MYO5C: variants seen among roughly 807,000 people sequenced by gnomAD.
The protein encoded by MYO5C is myosin VC.
A neutral mutation model predicts 235.7 loss-of-function variants in MYO5C; 194 were observed. That is an observed-to-expected ratio of 0.82 (90% CI 0.73 to 0.93). MYO5C has a LOEUF of 0.93. Ranked by LOEUF, MYO5C falls within the 40% of genes least tolerant of loss-of-function variation. The pLI is 0.00. For synonymous variants in MYO5C, 707 were observed against 754.8 expected, an observed-to-expected ratio of 0.94 and a Z score of 1.04; for missense variants, 2,038 against 2,127.2, an observed-to-expected ratio of 0.96 and a Z score of 0.82.
chr15:52,282,692 C>T, intron 2 of MYO5C, 90 bp downstream of exon 2: 4 of 924,560 alleles, frequency 4.3e-6, no homozygotes, highest in Non-Finnish European at 7.1e-6. Context: ...CCCTGGGTGC[C>T]TCCCACGGGG....
intron 37 of MYO5C, 61 bp from the exon 38 acceptor site, chr15:52,205,208 C>A (rs985083973): frequency 1.1e-5 from 17 of 1,562,864 alleles, no homozygotes; most frequent in East Asian, 2.3e-5. Context: ...ACGTTCCCGA[C>A]GCTCTTCGGT....
chr15:52,255,229 T>C (rs1291144691), intron 11 of MYO5C, among the ~76,000 whole-genome samples: 1 of 151,962 alleles, frequency 6.6e-6, no homozygotes, highest in Non-Finnish European at 1.5e-5. Flanking sequence ...CAGAGGGAGG[T>C]GGTAGAGCTG....
chr15:52,208,482 TGAGCTCTGGCTCAG>T, intron 36 of MYO5C, 58 bp downstream of exon 36: 1 of 1,405,402 alleles, frequency 7.1e-7, no homozygotes. Flanking sequence ...GAGGCTCTAT[TGAGCTCTGGCTCAG>T]GAGGAGGTTA....
chr15:52,208,580 A>C lies in MYO5C; in HGVS notation c.4360T>G (p.Cys1454Gly), dbSNP rs1206234563. 2 of 1,614,190 alleles carry C rather than the reference A, an allele frequency of 1.2e-6. No homozygotes were observed. Among genetic ancestry groups the C allele is most frequent in the African/African-American group, 1.3e-5 (1 of 75,072 alleles). ...TCTTCTCCGCTGTACTGCTTCAGGC[A>C]ATTGAGAAAATGACAAGTGTTGGAA... ...WLSNTCHFLN[C>G]LKQYSGEEEF... The change falls in exon 36 of 41, where the codon TGC becomes GGC. Residue 1454 changes from cysteine to glycine, a missense_variant. By Grantham distance (159) the Cys-to-Gly change is radical. Coordinates refer to ENST00000261839, the MANE Select transcript of MYO5C (RefSeq NM_018728.4).
At chr15:52,266,196 C>A (rs2036806582) in intron 8 of MYO5C, among the ~76,000 whole-genome samples, 1 of 75,128 alleles carries the variant, frequency 1.3e-5, no homozygotes, top group Non-Finnish European at 2.9e-5. Context: ...AACTCAAGAC[C>A]TGCGTTAAGT....
At chr15:52,230,416 T>G (rs957534667) in intron 24 of MYO5C, among the ~76,000 whole-genome samples, 1 of 152,120 alleles carries the variant, frequency 6.6e-6, no homozygotes, top group Non-Finnish European at 1.5e-5. Context: ...AGATTTTTTT[T>G]TTTTTGAGAT....
chr15:52,258,870 T>C (rs1434437959), intron 10 of MYO5C, among the ~76,000 whole-genome samples: 1 of 152,212 alleles, frequency 6.6e-6, no homozygotes, highest in Non-Finnish European at 1.5e-5. Flanking sequence ...TCAAATTCCT[T>C]ATTACAGTGG....
intron 10 of MYO5C, among the ~76,000 whole-genome samples, chr15:52,260,370 A>G (rs1371808741): frequency 6.6e-6 from 1 of 152,198 alleles, no homozygotes; most frequent in East Asian, 1.9e-4. Context: ...GGCAAGGTGC[A>G]AGCCTAGGTG....
intron 6 of MYO5C, 71 bp from the exon 7 acceptor site, chr15:52,271,915 G>A: frequency 1.1e-6 from 1 of 910,698 alleles, no homozygotes; most frequent in South Asian, 1.6e-5. Flanking sequence ...TTTTTAACTA[G>A]AGGGTCCTAG....
chr15:52,239,860 G>T lies in MYO5C; in HGVS notation c.2576C>A (p.Ala859Asp). 1 of 1,611,434 alleles carries T rather than the reference G, an allele frequency of 6.2e-7. No homozygotes were observed. Among genetic ancestry groups the T allele is most frequent in the Non-Finnish European group, 8.5e-7 (1 of 1,178,500 alleles). ...CCGTGCGTATTTCTGTAGGATCACA[G>T]CCTTATGTTCCTCCAGCATCTTTAA... ...RYRKMLEEHKAVILQKYARAW... is the reference protein window; with the variant it reads ...RYRKMLEEHKDVILQKYARAW... The change falls in exon 21 of 41, where the codon GCT becomes GAT. Residue 859 changes from alanine to aspartate, a missense_variant. Transcript: ENST00000261839.
In MYO5C at chr15:52,213,252, C is replaced by A; in HGVS notation, c.4077G>T (p.Glu1359Asp). 10 of 1,613,852 alleles carry A rather than the reference C, an allele frequency of 6.2e-6. No homozygotes were observed. Among genetic ancestry groups the A allele is most frequent in the Non-Finnish European group, 8.5e-6 (10 of 1,179,742 alleles). The change falls in exon 34 of 41, where the codon GAG (glutamate) becomes GAT (aspartate). Residue 1359 changes from glutamate to aspartate, a missense_variant. Glu to Asp is a conservative substitution (Grantham distance 45). Transcript: ENST00000261839. ...NDVHSSSGPK[E>D]YLGMLQYKRE... is the part of the protein sequence containing the mutation. ...TCTTGTATTGCAGCATTCCAAGGTACTCCTTGGGTCCTGAGGACGAGTGCA... is the reference window on the plus strand; with the variant it reads ...TCTTGTATTGCAGCATTCCAAGGTAATCCTTGGGTCCTGAGGACGAGTGCA...
intron 21 of MYO5C, among the ~76,000 whole-genome samples, chr15:52,238,567 G>C (rs1023916196): frequency 6.6e-6 from 1 of 152,222 alleles, no homozygotes; most frequent in African/African-American, 2.4e-5. Flanking sequence ...GAGTTTTACG[G>C]ATCTAGACAC....
chr15:52,223,428 C>G, intron 29 of MYO5C, 116 bp downstream of exon 29: 1 of 1,007,462 alleles, frequency 9.9e-7, no homozygotes, highest in South Asian at 1.7e-5. Context: ...TATTTCACTT[C>G]TGGAAAAAGT....
rs1435107604 is a variant in MYO5C, at chr15:52,193,319, A to G, written c.*583T>C. The G allele has an allele frequency of 6.9e-6, 1 of 144,148 alleles. No homozygotes were observed. Among genetic ancestry groups the G allele is most frequent in the Admixed American group, 7.0e-5 (1 of 14,366 alleles). The allele number at this position is 144,148 out of a possible 1,614,324, so 8.9% of individuals were successfully genotyped here. Reference sequence around the variant, plus strand: ...AGAGCGAGACTCCGGAGTCTCAAAAAAAAAAAAAAAAAAAAATTTAGAAGG... The same window carrying G: ...AGAGCGAGACTCCGGAGTCTCAAAAGAAAAAAAAAAAAAAAATTTAGAAGG... On this transcript the variant is annotated 3_prime_UTR_variant, in exon 41 of 41. Coordinates refer to ENST00000261839, the MANE Select transcript of MYO5C (RefSeq NM_018728.4).
intron 9 of MYO5C, among the ~76,000 whole-genome samples, chr15:52,262,973 T>C (rs1251122927): frequency 6.6e-6 from 1 of 152,180 alleles, no homozygotes. Context: ...ATGGGATTAG[T>C]GTTCTCGTAA....
chr15:52,215,499 G>A (rs2035531679), intron 32 of MYO5C, among the ~76,000 whole-genome samples: 1 of 152,190 alleles, frequency 6.6e-6, no homozygotes, highest in Non-Finnish European at 1.5e-5. Flanking sequence ...AGGGACTCTT[G>A]GGGCCGAGGG....
chr15:52,285,321 T>C (rs1016889143), intron 1 of MYO5C, among the ~76,000 whole-genome samples: 1 of 149,300 alleles, frequency 6.7e-6, no homozygotes, highest in Admixed American at 6.7e-5. Flanking sequence ...TGAGCCGAGA[T>C]CGCACCACTG....
Position 52,244,605 on chromosome 15 carries a change from G to A in MYO5C, c.2179-38C>T, listed in dbSNP as rs757547296. The A allele has an allele frequency of 6.2e-6, 9 of 1,453,876 alleles. No homozygotes were observed. The South Asian group carries it at 9.5e-5, about 15-fold the overall frequency. 90.1% of individuals were successfully genotyped at this position (1,453,876 alleles called of 1,614,324 possible). A position where few individuals can be genotyped will look rare whatever the true frequency, so the allele number is the denominator to read the frequency against. ...AATGATATAGTTAGAATTAAAATCT[G>A]TCAGATTTTCTATAATACAGTATTT... On this transcript the variant is annotated intron_variant, in intron 18 of 40. Transcript: ENST00000261839.
chr15:52,224,808 T>C, intron 28 of MYO5C, 93 bp downstream of exon 28: 1 of 964,652 alleles, frequency 1.0e-6, no homozygotes, highest in Non-Finnish European at 1.6e-6. Context: ...AAGGAATTTG[T>C]GTATCAATCT....
Sources: allele counts gnomAD v4.1 joint callset (sites outside exome capture counted in the v4.1 genomes callset), GRCh38; gene constraint gnomAD v4.1.1; transcripts MANE v1.5; gene names NCBI Gene and HGNC (gene_info 2026-07-23, HGNC 2026-07-21).